KIAA1328: variants seen among roughly 807,000 people sequenced by gnomAD.
KIAA1328 encodes KIAA1328.
A neutral mutation model predicts 68.1 loss-of-function variants in KIAA1328; 52 were observed. The ratio of observed to expected loss-of-function variants is 0.76; its 90% CI spans 0.61 to 0.96. The LOEUF (loss-of-function observed/expected upper bound fraction) is 0.96. KIAA1328 is among the 40% of genes least tolerant of loss of function. The pLI, the probability that KIAA1328 is intolerant of heterozygous loss-of-function variation, is 0.00. For synonymous variants in KIAA1328, 232 were observed against 239.4 expected, an observed-to-expected ratio of 0.97 and a Z score of 0.28; for missense variants, 641 against 677.6, an observed-to-expected ratio of 0.95 and a Z score of 0.60.
intron 7 of KIAA1328, chr18:37,075,630 G>A (rs1275559362): frequency 5.3e-5 from 8 of 152,120 alleles, no homozygotes; most frequent in Admixed American, 2.0e-4. Context: ...ATAAAAGGAT[G>A]GAGGAAGATC....
intron 7 of KIAA1328, among the ~76,000 whole-genome samples, chr18:37,110,545 GCT>G (rs1357397146): frequency 1.3e-5 from 2 of 152,076 alleles, no homozygotes; most frequent in African/African-American, 4.8e-5. Flanking sequence ...GATAACTATA[GCT>G]TCCATTTGCT....
At chr18:37,026,768 T>C (rs2054599998) in intron 6 of KIAA1328, among the ~76,000 whole-genome samples, 1 of 152,146 alleles carries the variant, frequency 6.6e-6, no homozygotes, top group Admixed American at 6.5e-5. Flanking sequence ...GCCAATATCA[T>C]ACTGAATGGG....
In KIAA1328 at chr18:37,084,673, G is replaced by A. The variant is rs116383719; in HGVS notation, c.1232+17128G>A. ...AATATTTATCTATTAGTCTGTTATC[G>A]GATAATACAGGGTTTTGCTATTATA... is the stretch of plus-strand genomic sequence containing the variant. On this transcript the variant is annotated intron_variant, in intron 7 of 9. Coordinates refer to ENST00000280020, the MANE Select transcript of KIAA1328 (RefSeq NM_020776.3). Among the ~76,000 whole-genome samples the A allele has an allele frequency of 2.4e-3, 366 of 151,714 alleles. 1 individual carries two copies. Among genetic ancestry groups the A allele is most frequent in the African/African-American group, 8.5e-3 (352 of 41,414 alleles).
chr18:37,106,544 G>A (rs1322000429), intron 7 of KIAA1328, among the ~76,000 whole-genome samples: 6 of 151,534 alleles, frequency 4.0e-5, no homozygotes, highest in Non-Finnish European at 7.4e-5. Context: ...ACAGCCTCCC[G>A]AATAGCTGGA....
At chr18:36,887,363 C>T (rs573809513) in intron 5 of KIAA1328, among the ~76,000 whole-genome samples, 1 of 152,222 alleles carries the variant, frequency 6.6e-6, no homozygotes, top group South Asian at 2.1e-4. Flanking sequence ...ATTCAATTTA[C>T]AGGCTCCTTT....
chr18:36,941,071 A>G (rs2044235923), intron 5 of KIAA1328, among the ~76,000 whole-genome samples: 1 of 152,152 alleles, frequency 6.6e-6, no homozygotes, highest in African/African-American at 2.4e-5. Context: ...AGTCAGTTGG[A>G]CGTTTACTCA....
chr18:36,863,392 A>G (rs1312808714), intron 4 of KIAA1328, among the ~76,000 whole-genome samples: 1 of 151,672 alleles, frequency 6.6e-6, no homozygotes, highest in Non-Finnish European at 1.5e-5. Context: ...CTATGTGTCT[A>G]TTTCTCTGTC....
intron 7 of KIAA1328, among the ~76,000 whole-genome samples, chr18:37,150,581 A>T (rs2059006851): frequency 6.6e-6 from 1 of 151,732 alleles, no homozygotes; most frequent in Non-Finnish European, 1.5e-5. Context: ...GCAGAAAAAA[A>T]AAAACCCCAC....
At chr18:37,053,067 G>A (rs1022862484) in intron 6 of KIAA1328, among the ~76,000 whole-genome samples, 1 of 152,116 alleles carries the variant, frequency 6.6e-6, no homozygotes, top group Non-Finnish European at 1.5e-5. Flanking sequence ...AAAGCTGGAG[G>A]CATCACATTA....
chr18:37,035,581 C>G (rs1763158862), intron 6 of KIAA1328, among the ~76,000 whole-genome samples: 1 of 152,116 alleles, frequency 6.6e-6, no homozygotes, highest in Admixed American at 6.5e-5. Context: ...GACCAGTGTG[C>G]TTAAATAACA....
At position 37,224,245 on chromosome 18, in the gene KIAA1328, G is replaced by C; in HGVS notation, c.*2018G>C. ...AAAACTCTGGAGTGAGAGGATGCCA[G>C]AGGATCAAGAAAAGGATCACAGTTT... On this transcript the variant is annotated 3_prime_UTR_variant, in exon 10 of 10. Transcript: ENST00000280020. The C allele has an allele frequency of 1.0e-6, 1 of 985,458 alleles. No individual in the cohort carries two copies. Among genetic ancestry groups the C allele is most frequent in the South Asian group, 4.7e-5 (1 of 21,290 alleles). 61.0% of individuals were successfully genotyped at this position (985,458 alleles called of 1,614,324 possible). A position where few individuals can be genotyped will look rare whatever the true frequency, so the allele number is the denominator to read the frequency against.
At chr18:37,037,760 A>G (rs2055083449) in intron 6 of KIAA1328, among the ~76,000 whole-genome samples, 2 of 151,606 alleles carry the variant, frequency 1.3e-5, no homozygotes, top group Admixed American at 1.3e-4. Flanking sequence ...TGGGTTTTCT[A>G]CCTGGCCAGA....
intron 7 of KIAA1328, among the ~76,000 whole-genome samples, chr18:37,113,203 T>C (rs1334228572): frequency 6.6e-6 from 1 of 151,930 alleles, no homozygotes; most frequent in Admixed American, 6.6e-5. Context: ...AGACACATAA[T>C]TGTCAGATTC....
At chr18:37,182,612 C>T (rs1468285554) in intron 9 of KIAA1328, among the ~76,000 whole-genome samples, 2 of 152,028 alleles carry the variant, frequency 1.3e-5, no homozygotes, top group African/African-American at 2.4e-5. Context: ...GGATTTGGAC[C>T]TTGCTCTTGT....
intron 7 of KIAA1328, among the ~76,000 whole-genome samples, chr18:37,090,098 G>A (rs1432031024): frequency 1.3e-5 from 2 of 152,078 alleles, no homozygotes; most frequent in African/African-American, 2.4e-5. Flanking sequence ...ACAGACAATA[G>A]GAAATAAATT....
Position 37,067,320 on chromosome 18 carries a change from G to GT in KIAA1328, c.1009dup (p.Tyr337LeufsTer20). On this transcript the variant is annotated frameshift_variant, in exon 7 of 10. Transcript: ENST00000280020. LOFTEE classifies it high-confidence loss of function. Reference sequence around the variant, plus strand: ...CCTAAGACACATCCAGAATCATGCAGTTATTGTCGGCTTTCTTGGGCATCT... The same window carrying GT: ...CCTAAGACACATCCAGAATCATGCAGTTTATTGTCGGCTTTCTTGGGCATCT... 1 of 1,613,962 alleles carries GT rather than the reference G, an allele frequency of 6.2e-7. No individual in the cohort carries two copies. The highest frequency in any genetic ancestry group is 8.5e-7 in the Non-Finnish European group (1 of 1,179,874).
chr18:36,909,618 A>G (rs1036861592), intron 5 of KIAA1328, among the ~76,000 whole-genome samples: 10 of 152,204 alleles, frequency 6.6e-5, no homozygotes, highest in Admixed American at 6.5e-4. Flanking sequence ...TCTTTATAGC[A>G]GCATGATTTA....
intron 7 of KIAA1328, among the ~76,000 whole-genome samples, chr18:37,088,316 T>C (rs1438414215): frequency 1.3e-5 from 2 of 152,176 alleles, no homozygotes; most frequent in African/African-American, 4.8e-5. Flanking sequence ...TAGAAGAGAA[T>C]AGAGATACGT....
chr18:36,873,083 A>T (rs1038960958), intron 4 of KIAA1328, among the ~76,000 whole-genome samples: 1 of 152,198 alleles, frequency 6.6e-6, no homozygotes, highest in Admixed American at 6.5e-5. Context: ...TTTTCTCAGA[A>T]GACATTTCTT....
Sources: gnomAD v4.1 joint callset for allele counts (sites outside exome capture counted in the v4.1 genomes callset) on GRCh38, gnomAD v4.1.1 for gene constraint, MANE v1.5 for transcripts, NCBI Gene and HGNC (gene_info 2026-07-23, HGNC 2026-07-21) for gene names.